GAD2: variants seen among roughly 807,000 people sequenced by gnomAD.
The protein encoded by GAD2 is 65 kDa glutamic acid decarboxylase.
GAD2 carries 22 observed loss-of-function variants against 80.1 expected under a neutral mutation model. The ratio of observed to expected loss-of-function variants is 0.27; its 90% CI spans 0.20 to 0.39. The LOEUF (loss-of-function observed/expected upper bound fraction) is 0.39, where lower values mean the gene tolerates loss of function less well. GAD2 is among the 10% of genes least tolerant of loss of function. GAD2 has a pLI of 1.00. For missense variants in GAD2, 624 were observed against 738.4 expected, an observed-to-expected ratio of 0.85 and a Z score of 1.80; for synonymous variants, 274 against 256.9, an observed-to-expected ratio of 1.07 and a Z score of -0.64.
intron 7 of GAD2, among the ~76,000 whole-genome samples, chr10:26,240,518 G>T (rs1199963837): frequency 6.6e-6 from 1 of 152,018 alleles, no homozygotes; most frequent in South Asian, 2.1e-4. Flanking sequence ...AATCACTTGA[G>T]ATCAGGAGTT....
At chr10:26,247,568 A>G (rs12258601) in intron 8 of GAD2, among the ~76,000 whole-genome samples, 4,013 of 152,236 alleles carry the variant, frequency 0.026, 191 homozygotes, top group African/African-American at 0.092. Context: ...GGGCAGCCAC[A>G]GCAAATACGG....
chr10:26,248,568 A>G (rs1022497401), intron 8 of GAD2, among the ~76,000 whole-genome samples: 2 of 152,190 alleles, frequency 1.3e-5, no homozygotes, highest in African/African-American at 4.8e-5. Context: ...CTGTGGTTCT[A>G]ACTTCCTCAG....
chr10:26,255,335 G>A (rs1844930077), intron 8 of GAD2, among the ~76,000 whole-genome samples: 1 of 152,182 alleles, frequency 6.6e-6, no homozygotes, highest in African/African-American at 2.4e-5. Context: ...TGATGAGTTT[G>A]GCAAGGGCAG....
At chr10:26,280,024 C>G (rs1163229772) in intron 11 of GAD2, among the ~76,000 whole-genome samples, 1 of 152,242 alleles carries the variant, frequency 6.6e-6, no homozygotes, top group Non-Finnish European at 1.5e-5. Context: ...CATAGAGGCA[C>G]AGGAGGCAGC....
intron 7 of GAD2, among the ~76,000 whole-genome samples, chr10:26,236,617 C>T (rs921522119): frequency 2.6e-5 from 4 of 152,072 alleles, no homozygotes; most frequent in Non-Finnish European, 2.9e-5. Flanking sequence ...ATGACTTTCA[C>T]GTATCATTAT....
rs748110324 is a variant in GAD2 at position 26,218,551 on chromosome 10, T to TCTCTCACA, written c.287-491_287-490insTCTCACAC. Among the ~76,000 whole-genome samples, 1,034 of 118,858 alleles carry TCTCTCACA rather than the reference T, an allele frequency of 8.7e-3. 1 individual carries two copies. Among genetic ancestry groups the TCTCTCACA allele is most frequent in the African/African-American group, 0.011 (355 of 32,322 alleles). 78.0% of individuals were successfully genotyped at this position (118,858 alleles called of 152,430 possible). A position where few individuals can be genotyped will look rare whatever the true frequency, so the allele number is the denominator to read the frequency against. On this transcript the variant is annotated intron_variant, in intron 3 of 15. Coordinates refer to ENST00000376261, the MANE Select transcript of GAD2 (RefSeq NM_001134366.2). ...CATGCATACGCTCTCTCTCTCTCTC[T>TCTCTCACA]CACACACACACACACACACACACAC...
intron 7 of GAD2, among the ~76,000 whole-genome samples, chr10:26,236,230 C>T (rs2132280563): frequency 6.6e-6 from 1 of 152,174 alleles, no homozygotes; most frequent in African/African-American, 2.4e-5. Flanking sequence ...CCTCCTGCCT[C>T]GCCTCCTAAG....
chr10:26,217,037 C>T lies in GAD2; in HGVS notation c.76+152C>T. The T allele has an allele frequency of 1.6e-6, 1 of 621,892 alleles. No individual in the cohort carries two copies. Among genetic ancestry groups the T allele is most frequent in the Non-Finnish European group, 2.8e-6 (1 of 356,924 alleles). 38.5% of individuals were successfully genotyped at this position (621,892 alleles called of 1,614,324 possible). On this transcript the variant is annotated intron_variant, in intron 1 of 15. Transcript: ENST00000376261. The surrounding 1 kb of genome is among the most constrained non-coding windows in gnomAD (Gnocchi z 4.9). ...CTTTTGGGCTAAGTCCTTGACGGCC[C>T]AAGAGCTCAAGACCTCTACAGCCTC...
chr10:26,282,981 C>T lies in GAD2; in HGVS notation c.1236+1894C>T, dbSNP rs78148254. Reference sequence around the variant, plus strand: ...GCTCATGCAGGGCATGAGACCTCAACTATAATTACTTCAAAGGAGAAAATA... The same window carrying T: ...GCTCATGCAGGGCATGAGACCTCAATTATAATTACTTCAAAGGAGAAAATA... On this transcript the variant is annotated intron_variant, in intron 12 of 15. Coordinates refer to ENST00000376261, the MANE Select transcript of GAD2 (RefSeq NM_001134366.2). Among the ~76,000 whole-genome samples, 229 of 152,300 alleles carry T rather than the reference C, an allele frequency of 1.5e-3. 1 individual carries two copies. Among genetic ancestry groups the T allele is most frequent in the African/African-American group, 5.4e-3 (223 of 41,562 alleles).
intron 7 of GAD2, among the ~76,000 whole-genome samples, chr10:26,237,858 A>C (rs1434085516): frequency 6.6e-6 from 1 of 151,966 alleles, no homozygotes; most frequent in Non-Finnish European, 1.5e-5. Context: ...AAATACAAAA[A>C]TTAGCAGGGT....
At position 26,284,659 on chromosome 10, in the gene GAD2, C is replaced by A. The variant is rs1345779582; in HGVS notation, c.1237-1686C>A. 2.7e-5 allele frequency among the ~76,000 whole-genome samples: 4 copies of A among 150,292 alleles called. No homozygotes were observed. The Admixed American group carries it at 2.7e-4, about 10-fold the overall frequency. On this transcript the variant is annotated intron_variant, in intron 12 of 15. Transcript: ENST00000376261. ...TGATCTTGGCTCACTGCAACCTCCACCTCCTGGGTTCAAGCGATTCTCCTG... is the reference window on the plus strand; with the variant it reads ...TGATCTTGGCTCACTGCAACCTCCAACTCCTGGGTTCAAGCGATTCTCCTG...
chr10:26,248,611 T>G (rs779858546), intron 8 of GAD2, among the ~76,000 whole-genome samples: 7 of 152,220 alleles, frequency 4.6e-5, no homozygotes, highest in Non-Finnish European at 7.3e-5. Flanking sequence ...GTCTTGCTAG[T>G]GCCTGGAATT....
chr10:26,260,705 G>A (rs1279152376), intron 8 of GAD2, among the ~76,000 whole-genome samples: 1 of 152,096 alleles, frequency 6.6e-6, no homozygotes, highest in Non-Finnish European at 1.5e-5. Context: ...GATACTTGCT[G>A]TCATGTTGCC....
At chr10:26,293,021 T>A in intron 15 of GAD2, 30 bp downstream of exon 15, 1 of 1,533,382 alleles carries the variant, frequency 6.5e-7, no homozygotes. Context: ...CTGATACATG[T>A]GTGTATTGAG....
At chr10:26,274,875 T>C (rs1845180297) in intron 11 of GAD2, among the ~76,000 whole-genome samples, 1 of 152,222 alleles carries the variant, frequency 6.6e-6, no homozygotes, top group African/African-American at 2.4e-5. Context: ...GAAGGGTCAC[T>C]GTCCCTGAGT....
At chr10:26,221,825 G>A (rs1006722085) in intron 4 of GAD2, among the ~76,000 whole-genome samples, 6 of 152,224 alleles carry the variant, frequency 3.9e-5, no homozygotes, top group African/African-American at 1.2e-4. Flanking sequence ...GACGCAGTGC[G>A]CTCTGCTCCC....
intron 4 of GAD2, among the ~76,000 whole-genome samples, chr10:26,221,190 T>G (rs895789890): frequency 6.6e-6 from 1 of 152,240 alleles, no homozygotes; most frequent in African/African-American, 2.4e-5. Context: ...ATTTAGGGTA[T>G]GTCAAATTAG....
At chr10:26,263,655 A>G (rs888455692) in intron 8 of GAD2, among the ~76,000 whole-genome samples, 2 of 152,210 alleles carry the variant, frequency 1.3e-5, no homozygotes, top group African/African-American at 2.4e-5. Context: ...TGCCATCTTG[A>G]TAGGATAGTT....
chr10:26,270,432 G>C (rs1845121433), intron 9 of GAD2, among the ~76,000 whole-genome samples: 1 of 152,208 alleles, frequency 6.6e-6, no homozygotes, highest in Non-Finnish European at 1.5e-5. Flanking sequence ...TTAAGACACA[G>C]TCAGGTCCAA....
Sources: allele counts gnomAD v4.1 joint callset (sites outside exome capture counted in the v4.1 genomes callset), GRCh38; gene constraint gnomAD v4.1.1; non-coding constraint Gnocchi (gnomAD v3.1); transcripts MANE v1.5; gene names NCBI Gene and HGNC (gene_info 2026-07-23, HGNC 2026-07-21).